SLC44A5: variants seen among roughly 807,000 people sequenced by gnomAD.
SLC44A5 encodes the protein solute carrier family 44 member 5.
SLC44A5 carries 57 observed loss-of-function variants against 101.8 expected under a neutral mutation model. The ratio of observed to expected loss-of-function variants is 0.56; its 90% confidence interval spans 0.45 to 0.70. SLC44A5 has a LOEUF of 0.70. Ranked by LOEUF, SLC44A5 falls within the 30% of genes least tolerant of loss-of-function variation. SLC44A5 has a pLI of 0.00. For synonymous variants in SLC44A5, 281 were observed against 290.9 expected (o/e 0.97, Z 0.35); for missense variants, 737 against 853.1 (o/e 0.86, Z 1.70).
intron 11 of SLC44A5, among the ~76,000 whole-genome samples, chr1:75,234,868 A>G (rs987363768): frequency 2.6e-5 from 4 of 152,084 alleles, no homozygotes; most frequent in Non-Finnish European, 5.9e-5. Flanking sequence ...TTAAGGTCAC[A>G]TTGGAGTCTT....
chr1:75,229,788 A>C (rs1489357353), intron 12 of SLC44A5, among the ~76,000 whole-genome samples: 9 of 152,218 alleles, frequency 5.9e-5, no homozygotes, highest in Non-Finnish European at 1.5e-5. Flanking sequence ...TAGTGTCTGT[A>C]CACAGCAGCT....
Position 75,243,003 on chromosome 1 carries a change from G to A in SLC44A5, c.354C>T (p.Val118=). The A allele has an allele frequency of 6.2e-7, 1 of 1,611,424 alleles. No homozygotes were observed. The change falls in exon 8 of 24, where the codon GTC becomes GTT. Residue 118 remains valine (V), a synonymous_variant. Coordinates refer to ENST00000370859, the MANE Select transcript of SLC44A5 (RefSeq NM_001130058.2). ...TTAAAAATTTTTCTGGGCACTTGGA[G>A]ACACAGATCTGTGAACGAACAAAGT... ...NLQCPTTQIC[V]SKCPEKFLTY...
At chr1:75,351,656 ATGTGCTT>A (rs1209722625) in intron 3 of SLC44A5, among the ~76,000 whole-genome samples, 1 of 151,936 alleles carries the variant, frequency 6.6e-6, no homozygotes, top group Non-Finnish European at 1.5e-5. Flanking sequence ...TGGCAAGATA[ATGTGCTT>A]TGATGTACCC....
the SLC44A5 span, among the ~76,000 whole-genome samples, chr1:75,681,950 C>G: frequency 6.6e-6 from 1 of 152,154 alleles, no homozygotes; most frequent in South Asian, 2.1e-4. Context: ...CACAAGCATT[C>G]CTATACACCA....
At chr1:75,529,486 A>G (rs1388535999) in intron 2 of SLC44A5, among the ~76,000 whole-genome samples, 1 of 152,192 alleles carries the variant, frequency 6.6e-6, no homozygotes, top group Admixed American at 6.5e-5. Flanking sequence ...TCTACTCTAC[A>G]GAAGAATCAG....
intron 4 of SLC44A5, among the ~76,000 whole-genome samples, chr1:75,333,004 A>G (rs191645502): frequency 6.6e-6 from 1 of 152,256 alleles, no homozygotes; most frequent in African/African-American, 2.4e-5. Context: ...ACTTAAATAT[A>G]CGAAGGTGGG....
the SLC44A5 span, among the ~76,000 whole-genome samples, chr1:75,703,402 T>C: frequency 3.6e-5 from 5 of 138,956 alleles, no homozygotes; most frequent in Non-Finnish European, 6.5e-5. Context: ...CAGCAAAATA[T>C]CACAAGGAGA....
intron 4 of SLC44A5, among the ~76,000 whole-genome samples, chr1:75,325,478 C>A (rs1206949641): frequency 6.6e-6 from 1 of 151,956 alleles, no homozygotes; most frequent in African/African-American, 2.4e-5. Flanking sequence ...CTTGCCTTAT[C>A]CACAGTTTCG....
At chr1:75,652,959 G>A in the SLC44A5 span, among the ~76,000 whole-genome samples, 3 of 152,064 alleles carry the variant, frequency 2.0e-5, no homozygotes, top group Admixed American at 2.0e-4. Context: ...TCTTGTTAAT[G>A]GCTCATTACT....
chr1:75,636,974 T>C, the SLC44A5 span, among the ~76,000 whole-genome samples: 2 of 152,064 alleles, frequency 1.3e-5, no homozygotes, highest in Non-Finnish European at 2.9e-5. Context: ...ATTATAAAGA[T>C]ATTCATCAAA....
chr1:75,301,003 A>G (rs1654411532), intron 4 of SLC44A5, among the ~76,000 whole-genome samples: 1 of 152,162 alleles, frequency 6.6e-6, no homozygotes, highest in Admixed American at 6.5e-5. Flanking sequence ...TGAAATTGTA[A>G]TATAAGCTAT....
intron 4 of SLC44A5, among the ~76,000 whole-genome samples, chr1:75,306,100 T>C (rs1029630723): frequency 6.6e-6 from 1 of 152,218 alleles, no homozygotes; most frequent in African/African-American, 2.4e-5. Context: ...AATTCAAACT[T>C]GCATTCATAA....
chr1:75,237,034 T>G lies in SLC44A5; in HGVS notation c.693A>C (p.Gly231=). ...INKLLDAKSL[G]LKVFEDYART... is the part of the protein sequence containing the mutation. ...TTGCATAGTCTTCAAACACTTTCAA[T>G]CCAAGTGACTTTGCATCAAGAAGTT... is the stretch of plus-strand genomic sequence containing the variant. Residue 231 remains glycine (G), a synonymous_variant, in exon 11 of 24, where the codon GGA becomes GGC. Transcript: ENST00000370859. The G allele has an allele frequency of 6.2e-7, 1 of 1,603,322 alleles. No homozygotes were observed. Among genetic ancestry groups the G allele is most frequent in the Non-Finnish European group, 8.5e-7 (1 of 1,172,426 alleles).
intron 2 of SLC44A5, among the ~76,000 whole-genome samples, chr1:75,462,712 GA>G (rs1666571864): frequency 6.6e-6 from 1 of 152,142 alleles, no homozygotes; most frequent in South Asian, 2.1e-4. Flanking sequence ...GAATCAAGCA[GA>G]AATTCTGGAG....
intron 4 of SLC44A5, chr1:75,311,539 C>A: frequency 1.0e-6 from 1 of 984,642 alleles, no homozygotes; most frequent in Non-Finnish European, 1.2e-6. Flanking sequence ...CAGGTACCAG[C>A]TCCTACTAAT....
At chr1:75,490,829 G>T (rs1419161926) in intron 2 of SLC44A5, among the ~76,000 whole-genome samples, 1 of 152,054 alleles carries the variant, frequency 6.6e-6, no homozygotes, top group Non-Finnish European at 1.5e-5. Flanking sequence ...CTTTACATGG[G>T]TTAGTGCATA....
chr1:75,481,389 C>A (rs1359828617), intron 2 of SLC44A5, among the ~76,000 whole-genome samples: 4 of 152,022 alleles, frequency 2.6e-5, no homozygotes, highest in Non-Finnish European at 5.9e-5. Flanking sequence ...GCAACAAAAG[C>A]CAAAATTGAC....
the SLC44A5 span, among the ~76,000 whole-genome samples, chr1:75,673,656 C>T: frequency 2.6e-5 from 4 of 152,158 alleles, no homozygotes; most frequent in Admixed American, 2.0e-4. Flanking sequence ...AGCATAACCC[C>T]AGTGCTGGCG....
chr1:75,703,241 C>T, the SLC44A5 span, among the ~76,000 whole-genome samples: 1 of 151,642 alleles, frequency 6.6e-6, no homozygotes, highest in Admixed American at 6.6e-5. Flanking sequence ...TTCACAATAG[C>T]AAAGACTTGG....
Sources: allele counts gnomAD v4.1 joint callset (sites outside exome capture counted in the v4.1 genomes callset), GRCh38; gene constraint gnomAD v4.1.1; transcripts MANE v1.5; gene names NCBI Gene and HGNC (gene_info 2026-07-23, HGNC 2026-07-21).